Variants in CDH12 observed in about 807,000 individuals in gnomAD.
The protein encoded by CDH12 is cadherin-12.
Under a neutral mutation model 74.1 loss-of-function variants are expected in CDH12, and 41 were observed. The ratio of observed to expected loss-of-function variants is 0.55; its 90% CI spans 0.43 to 0.72. CDH12 has a LOEUF of 0.72. CDH12 is among the 30% of genes least tolerant of loss of function. CDH12 has a pLI of 0.00. For synonymous variants in CDH12, 399 were observed against 355.0 expected (o/e 1.12, Z -1.39); for missense variants, 945 against 977.2 (o/e 0.97, Z 0.44).
rs556449796 is a variant in CDH12 at position 22,237,822 on chromosome 5, C to T, written c.-332-25179G>A. 1.1e-4 allele frequency among the ~76,000 whole-genome samples: 16 copies of T among 152,170 alleles called. No individual in the cohort carries two copies. The East Asian group carries it at 1.5e-3, about 15-fold the overall frequency. ...CTGAGCGTACCACTTCATAGCACCA[C>T]GAGGCCTTGTTAATATACATACATT... On this transcript the variant is annotated intron_variant, in intron 3 of 14. Transcript: ENST00000382254.
At chr5:21,907,716 T>A (rs1176557936) in intron 6 of CDH12, among the ~76,000 whole-genome samples, 2 of 152,234 alleles carry the variant, frequency 1.3e-5, no homozygotes, top group Admixed American at 6.5e-5. Flanking sequence ...ATAAAACTTC[T>A]GCTGCTCTAC....
At chr5:22,577,213 A>T (rs1008430531) in intron 1 of CDH12, among the ~76,000 whole-genome samples, 12 of 151,864 alleles carry the variant, frequency 7.9e-5, no homozygotes, top group African/African-American at 2.2e-4. Context: ...CCTCATCTAT[A>T]AAAAAACGGG....
chr5:22,643,454 T>C (rs1739256289), intron 1 of CDH12, among the ~76,000 whole-genome samples: 1 of 152,154 alleles, frequency 6.6e-6, no homozygotes, highest in Non-Finnish European at 1.5e-5. Context: ...TTTAAATCTA[T>C]TCTAGCCTCT....
chr5:22,751,323 A>ATG (rs1745561544), intron 1 of CDH12, among the ~76,000 whole-genome samples: 1 of 101,956 alleles, frequency 9.8e-6, no homozygotes, highest in African/African-American at 3.6e-5. Flanking sequence ...AAACTGTGAT[A>ATG]TATATATATA....
intron 6 of CDH12, among the ~76,000 whole-genome samples, chr5:21,912,561 A>G (rs1423076047): frequency 6.6e-6 from 1 of 152,172 alleles, no homozygotes; most frequent in Non-Finnish European, 1.5e-5. Context: ...CACATGAGAC[A>G]GTAGCCACTC....
At chr5:22,429,394 C>T (rs1425219089) in intron 2 of CDH12, among the ~76,000 whole-genome samples, 3 of 152,062 alleles carry the variant, frequency 2.0e-5, no homozygotes, top group East Asian at 1.9e-4. Flanking sequence ...CCACTTGGGC[C>T]TCCCAAAGTG....
intron 2 of CDH12, among the ~76,000 whole-genome samples, chr5:22,409,287 T>C (rs1461809220): frequency 6.6e-6 from 1 of 152,058 alleles, no homozygotes; most frequent in African/African-American, 2.4e-5. Context: ...CTTGTATTTT[T>C]AAGTCTTCTT....
intron 7 of CDH12, among the ~76,000 whole-genome samples, chr5:21,853,321 T>G (rs1459095757): frequency 6.6e-6 from 1 of 151,680 alleles, no homozygotes; most frequent in African/African-American, 2.4e-5. Flanking sequence ...GGAGCTTCTT[T>G]GTCCTAAGCC....
intron 1 of CDH12, among the ~76,000 whole-genome samples, chr5:22,647,645 T>A (rs1739516007): frequency 6.6e-6 from 1 of 151,810 alleles, no homozygotes; most frequent in South Asian, 2.1e-4. Context: ...TCCTTATGAC[T>A]TCATTTAACT....
At chr5:22,096,726 T>C (rs1743804525) in intron 4 of CDH12, among the ~76,000 whole-genome samples, 1 of 152,152 alleles carries the variant, frequency 6.6e-6, no homozygotes, top group South Asian at 2.1e-4. Flanking sequence ...GTGTTTAGGC[T>C]CTTTTTCATC....
chr5:22,620,445 C>A (rs560581722), intron 1 of CDH12, among the ~76,000 whole-genome samples: 4 of 151,792 alleles, frequency 2.6e-5, no homozygotes, highest in Non-Finnish European at 5.9e-5. Context: ...AGGTGACTCA[C>A]AAACAAAACA....
At chr5:22,753,300 G>A (rs1371786005) in intron 1 of CDH12, among the ~76,000 whole-genome samples, 3 of 151,658 alleles carry the variant, frequency 2.0e-5, no homozygotes, top group Non-Finnish European at 2.9e-5. Flanking sequence ...AGCCGGGCAC[G>A]GTGGCGGGCG....
chr5:22,492,734 C>T (rs765915968), intron 2 of CDH12, among the ~76,000 whole-genome samples: 3 of 152,086 alleles, frequency 2.0e-5, no homozygotes, highest in Non-Finnish European at 4.4e-5. Context: ...CAGAATATTG[C>T]TCACTCTTTA....
At chr5:22,648,975 G>C (rs994775729) in intron 1 of CDH12, among the ~76,000 whole-genome samples, 3 of 151,852 alleles carry the variant, frequency 2.0e-5, no homozygotes, top group African/African-American at 7.3e-5. Flanking sequence ...GTAGTTCAAA[G>C]AAATGCTAAT....
intron 10 of CDH12, among the ~76,000 whole-genome samples, chr5:21,785,967 C>T (rs979961390): frequency 6.6e-6 from 1 of 152,238 alleles, no homozygotes; most frequent in Non-Finnish European, 1.5e-5. Context: ...GGCTTCAAAG[C>T]TTCAAAAAAC....
chr5:21,984,803 T>C (rs1757446774), intron 5 of CDH12, among the ~76,000 whole-genome samples: 1 of 152,206 alleles, frequency 6.6e-6, no homozygotes, highest in Non-Finnish European at 1.5e-5. Flanking sequence ...TCTCAAAATC[T>C]AGATTAAACC....
intron 4 of CDH12, among the ~76,000 whole-genome samples, chr5:22,088,651 G>A (rs1743220123): frequency 6.6e-6 from 1 of 152,042 alleles, no homozygotes; most frequent in South Asian, 2.1e-4. Context: ...TTGTCTCAGG[G>A]GGCATACTTT....
intron 4 of CDH12, among the ~76,000 whole-genome samples, chr5:22,080,360 T>C (rs1481356656): frequency 6.6e-6 from 1 of 152,124 alleles, no homozygotes; most frequent in Non-Finnish European, 1.5e-5. Flanking sequence ...AGATATGAGA[T>C]GAGGAGTGTC....
At chr5:22,484,473 G>A (rs1746507032) in intron 2 of CDH12, among the ~76,000 whole-genome samples, 1 of 152,142 alleles carries the variant, frequency 6.6e-6, no homozygotes, top group African/African-American at 2.4e-5. Context: ...TTTGAGACAT[G>A]AAAAGTATAT....
Sources: allele counts gnomAD v4.1 joint callset (sites outside exome capture counted in the v4.1 genomes callset), GRCh38; gene constraint gnomAD v4.1.1; transcripts MANE v1.5; gene names NCBI Gene and HGNC (gene_info 2026-07-23, HGNC 2026-07-21).